DLG2: variants seen among roughly 807,000 people sequenced by gnomAD.
DLG2 encodes the protein discs large MAGUK scaffold protein 2.
A neutral mutation model predicts 132.5 loss-of-function variants in DLG2; 45 were observed. That is an observed-to-expected ratio of 0.34 (90% CI 0.27 to 0.44). The LOEUF is 0.44. Ranked by LOEUF, DLG2 falls within the 20% of genes least tolerant of loss-of-function variation. DLG2 has a pLI of 1.00. For missense variants in DLG2, 1,045 were observed against 1,196.9 expected (o/e 0.87, Z 1.87); for synonymous variants, 424 against 419.6 (o/e 1.01, Z -0.13).
intron 6 of DLG2, among the ~76,000 whole-genome samples, chr11:85,042,409 T>C (rs992306718): frequency 6.6e-6 from 1 of 152,038 alleles, no homozygotes; most frequent in Non-Finnish European, 1.5e-5. Context: ...CTAAGTGTTT[T>C]TACATAGATT....
At position 84,784,301 on chromosome 11, in the gene DLG2, CAA is replaced by C. The variant is rs576784256; in HGVS notation, c.358-249572_358-249571del. 4.7e-3 allele frequency among the ~76,000 whole-genome samples: 693 copies of C among 145,898 alleles called. 1 individual carries two copies. Among genetic ancestry groups the C allele is most frequent in the Non-Finnish European group, 7.9e-3 (530 of 66,816 alleles). ...CACCATTGCATTTCAGCCTGGGCAA[CAA>C]GAGCGAAACTCCACCTCAAAATAAA... On this transcript the variant is annotated intron_variant, in intron 6 of 27. Coordinates refer to ENST00000376104, the MANE Select transcript of DLG2 (RefSeq NM_001142699.3).
chr11:84,515,727 A>C (rs527373278), intron 7 of DLG2, among the ~76,000 whole-genome samples: 19 of 152,014 alleles, frequency 1.2e-4, no homozygotes, highest in Non-Finnish European at 2.5e-4. Context: ...TATACTCTAG[A>C]TCAAATGGAC....
At chr11:85,097,408 A>C (rs532690353) in intron 6 of DLG2, among the ~76,000 whole-genome samples, 1 of 152,254 alleles carries the variant, frequency 6.6e-6, no homozygotes, top group South Asian at 2.1e-4. Flanking sequence ...AGTTGGCTTC[A>C]CCTCTCAGTA....
chr11:84,970,010 C>A (rs745738394), intron 6 of DLG2, among the ~76,000 whole-genome samples: 16 of 151,742 alleles, frequency 1.1e-4, no homozygotes, highest in Admixed American at 4.6e-4. Flanking sequence ...CATAACGGGG[C>A]CTTTTGTGGG....
chr11:83,845,245 G>T (rs1272291086), intron 16 of DLG2, among the ~76,000 whole-genome samples: 2 of 152,118 alleles, frequency 1.3e-5, no homozygotes, highest in Non-Finnish European at 2.9e-5. Flanking sequence ...GGAGATACTT[G>T]TAGGAGATCA....
At chr11:85,310,307 A>T (rs973474051) in intron 3 of DLG2, among the ~76,000 whole-genome samples, 5 of 152,226 alleles carry the variant, frequency 3.3e-5, no homozygotes, top group African/African-American at 7.2e-5. Context: ...GGTCAGGAAG[A>T]TAGAAGAAGA....
chr11:84,608,455 C>T (rs2099589646), intron 6 of DLG2, among the ~76,000 whole-genome samples: 1 of 152,164 alleles, frequency 6.6e-6, no homozygotes, highest in African/African-American at 2.4e-5. Flanking sequence ...AAATTCACAA[C>T]GTGCTAAGAT....
At chr11:84,407,056 C>G (rs1202300818) in intron 7 of DLG2, among the ~76,000 whole-genome samples, 1 of 152,176 alleles carries the variant, frequency 6.6e-6, no homozygotes, top group Non-Finnish European at 1.5e-5. Flanking sequence ...TATTCAAGCC[C>G]TGACCTTTTG....
intron 7 of DLG2, among the ~76,000 whole-genome samples, chr11:84,356,077 C>T (rs2098609454): frequency 6.6e-6 from 1 of 152,050 alleles, no homozygotes; most frequent in African/African-American, 2.4e-5. Flanking sequence ...TTCACAACAT[C>T]AAAGGGTATG....
intron 6 of DLG2, among the ~76,000 whole-genome samples, chr11:84,994,633 T>G (rs190153146): frequency 1.2e-3 from 189 of 152,232 alleles, no homozygotes; most frequent in African/African-American, 4.4e-3. Context: ...CAGGGAGCTT[T>G]GGGGGAGATT....
rs1480813015 is a variant in DLG2, at chr11:84,165,394, C to CTCT, written c.574-1886_574-1884dup. Among the ~76,000 whole-genome samples, 3 of 152,182 alleles carry CTCT rather than the reference C, an allele frequency of 2.0e-5. No homozygotes were observed. The East Asian group carries it at 5.8e-4, about 29-fold the overall frequency. ...ACATTTCTAGGATCCTAAATGCTGA[C>CTCT]TCTTAGATTTTTAGAAGTATTATAT... On this transcript the variant is annotated intron_variant, in intron 8 of 27. Coordinates refer to ENST00000376104, the MANE Select transcript of DLG2 (RefSeq NM_001142699.3).
chr11:84,607,130 G>A (rs1156351211), intron 6 of DLG2, among the ~76,000 whole-genome samples: 1 of 152,028 alleles, frequency 6.6e-6, no homozygotes, highest in Non-Finnish European at 1.5e-5. Context: ...ATCTTCAGAT[G>A]AGCCCTTTTC....
chr11:85,310,047 T>C (rs1237124967), intron 3 of DLG2, among the ~76,000 whole-genome samples: 1 of 152,238 alleles, frequency 6.6e-6, no homozygotes, highest in Non-Finnish European at 1.5e-5. Flanking sequence ...AAGGGAACAC[T>C]GCATTGGTAA....
chr11:85,176,627 C>T (rs891644751), intron 4 of DLG2, among the ~76,000 whole-genome samples: 1 of 152,096 alleles, frequency 6.6e-6, no homozygotes, highest in Non-Finnish European at 1.5e-5. Flanking sequence ...TCTAATTTAA[C>T]TAAACAGCCT....
At chr11:85,187,638 G>A (rs761957562) in intron 4 of DLG2, among the ~76,000 whole-genome samples, 2 of 152,150 alleles carry the variant, frequency 1.3e-5, no homozygotes, top group African/African-American at 2.4e-5. Context: ...TAAGAGAGTG[G>A]AAATTAGTGT....
At chr11:84,916,157 A>G (rs1018266540) in intron 6 of DLG2, among the ~76,000 whole-genome samples, 1 of 151,616 alleles carries the variant, frequency 6.6e-6, no homozygotes, top group Non-Finnish European at 1.5e-5. Context: ...CATCCCGGCT[A>G]AAACGGTGAA....
intron 14 of DLG2, among the ~76,000 whole-genome samples, chr11:83,955,622 C>T (rs763930070): frequency 2.0e-5 from 3 of 152,184 alleles, no homozygotes; most frequent in African/African-American, 4.8e-5. Flanking sequence ...ATGGCCTGTC[C>T]TGCCCTCATC....
intron 16 of DLG2, among the ~76,000 whole-genome samples, chr11:83,860,946 T>C (rs1230658207): frequency 6.6e-6 from 1 of 152,202 alleles, no homozygotes; most frequent in Non-Finnish European, 1.5e-5. Flanking sequence ...GTGCCATCCA[T>C]GTAAGATGTG....
At chr11:84,684,401 T>C (rs968555063) in intron 6 of DLG2, among the ~76,000 whole-genome samples, 1 of 152,166 alleles carries the variant, frequency 6.6e-6, no homozygotes, top group African/African-American at 2.4e-5. Context: ...ACTCCAGAAA[T>C]TGAGTTTCTA....
Sources: gnomAD v4.1 joint callset for allele counts (sites outside exome capture counted in the v4.1 genomes callset) on GRCh38, gnomAD v4.1.1 for gene constraint, MANE v1.5 for transcripts, NCBI Gene and HGNC (gene_info 2026-07-23, HGNC 2026-07-21) for gene names.